Variants in FBN2 observed in about 807,000 individuals in gnomAD.
The protein encoded by FBN2 is fibrillin 2.
FBN2 carries 105 observed loss-of-function variants against 355.6 expected under a neutral mutation model. The ratio of observed to expected loss-of-function variants is 0.30; its 90% CI spans 0.25 to 0.35. The LOEUF (loss-of-function observed/expected upper bound fraction) is 0.35, where lower values mean the gene tolerates loss of function less well. FBN2 is among the 10% of genes least tolerant of loss of function. The probability of loss-of-function intolerance (pLI) is 1.00; values close to 1 mark genes in which losing one functional copy is unlikely to be tolerated. For synonymous variants in FBN2, 1,350 were observed against 1,301.2 expected (o/e 1.04, Z -0.81); for missense variants, 3,280 against 3,758.7 (o/e 0.87, Z 3.33).
intron 23 of FBN2, among the ~76,000 whole-genome samples, chr5:128,347,971 GA>G (rs1294568929): frequency 7.7e-5 from 11 of 142,948 alleles, no homozygotes; most frequent in East Asian, 6.0e-4. Flanking sequence ...TAGAGACGGG[GA>G]GGGGGGGGTT....
At chr5:128,370,617 A>G (rs1357535880) in intron 15 of FBN2, among the ~76,000 whole-genome samples, 1 of 152,040 alleles carries the variant, frequency 6.6e-6, no homozygotes, top group East Asian at 1.9e-4. Flanking sequence ...CAAATATAAC[A>G]TGGTTCATCA....
chr5:128,504,866 A>G (rs895677624), intron 5 of FBN2, among the ~76,000 whole-genome samples: 1 of 152,178 alleles, frequency 6.6e-6, no homozygotes, highest in Non-Finnish European at 1.5e-5. Flanking sequence ...GCAGAATGAT[A>G]TGGTTTGGCT....
chr5:128,473,277 C>A (rs550853856), intron 5 of FBN2, among the ~76,000 whole-genome samples: 1 of 152,168 alleles, frequency 6.6e-6, no homozygotes, highest in Admixed American at 6.5e-5. Flanking sequence ...AGAGTAGAGG[C>A]AAAGAGTTTA....
intron 7 of FBN2, among the ~76,000 whole-genome samples, chr5:128,440,900 G>A (rs540947217): frequency 6.6e-5 from 10 of 152,240 alleles, no homozygotes; most frequent in Non-Finnish European, 1.3e-4. Flanking sequence ...GCCCTCATGG[G>A]CTAACTTCTT....
At chr5:128,444,054 C>CT (rs35768962) in intron 7 of FBN2, among the ~76,000 whole-genome samples, 9,756 of 65,354 alleles carry the variant, frequency 0.15, 3,119 homozygotes, top group African/African-American at 0.28. Context: ...ATCACTTGTT[C>CT]TTTTTTTTTT....
intron 48 of FBN2, among the ~76,000 whole-genome samples, chr5:128,296,939 A>G (rs970760229): frequency 6.6e-6 from 1 of 151,982 alleles, no homozygotes; most frequent in African/African-American, 2.4e-5. Flanking sequence ...TAGGGTGTCA[A>G]TTTTGGAACT....
At chr5:128,298,184 T>C (rs972045417) in intron 48 of FBN2, among the ~76,000 whole-genome samples, 13 of 152,200 alleles carry the variant, frequency 8.5e-5, no homozygotes, top group Non-Finnish European at 1.5e-4. Context: ...TTCTGGCTTG[T>C]AGAGTTTCTG....
At chr5:128,281,884 G>T (rs980037348) in intron 55 of FBN2, among the ~76,000 whole-genome samples, 11 of 151,982 alleles carry the variant, frequency 7.2e-5, no homozygotes, top group Non-Finnish European at 1.0e-4. Flanking sequence ...TAGAGACAGG[G>T]TTTCACCATG....
intron 5 of FBN2, among the ~76,000 whole-genome samples, chr5:128,474,073 C>G (rs548501605): frequency 6.6e-6 from 1 of 152,290 alleles, no homozygotes; most frequent in South Asian, 2.1e-4. Context: ...AACAAAATTG[C>G]TATCTTTGAT....
chr5:128,400,944 A>T (rs1581265325), intron 8 of FBN2, among the ~76,000 whole-genome samples: 1 of 152,036 alleles, frequency 6.6e-6, no homozygotes, highest in South Asian at 2.1e-4. Context: ...TTCTCATGGT[A>T]GTGACTAAGT....
chr5:128,274,737 C>T lies in FBN2; in HGVS notation c.7595-54G>A. 4 of 1,108,236 alleles carry T rather than the reference C, an allele frequency of 3.6e-6. No individual in the cohort carries two copies. In the South Asian group the frequency reaches 4.9e-5, roughly 14 times the overall value. 68.7% of individuals were successfully genotyped at this position (1,108,236 alleles called of 1,614,324 possible). A position where few individuals can be genotyped will look rare whatever the true frequency, so the allele number is the denominator to read the frequency against. Reference sequence around the variant, plus strand: ...CACAGTAGACTATCTGGCTATGTTTCCTTTCTTGTGAAGCCACAGGAGATG... The same window carrying T: ...CACAGTAGACTATCTGGCTATGTTTTCTTTCTTGTGAAGCCACAGGAGATG... On this transcript the variant is annotated intron_variant, in intron 59 of 64. Coordinates refer to ENST00000262464, the MANE Select transcript of FBN2 (RefSeq NM_001999.4).
intron 62 of FBN2, among the ~76,000 whole-genome samples, chr5:128,271,386 A>G (rs924992552): frequency 2.0e-5 from 3 of 152,186 alleles, no homozygotes; most frequent in African/African-American, 7.2e-5. Flanking sequence ...GTAGAGAATA[A>G]TGTTCTCTTT....
chr5:128,343,674 T>C (rs993552468), intron 25 of FBN2, among the ~76,000 whole-genome samples: 1 of 152,206 alleles, frequency 6.6e-6, no homozygotes, highest in East Asian at 1.9e-4. Context: ...TGAAAACTAA[T>C]ATTAAGATTC....
At chr5:128,269,526 G>T (rs1765211814) in intron 62 of FBN2, among the ~76,000 whole-genome samples, 1 of 149,992 alleles carries the variant, frequency 6.7e-6, no homozygotes, top group African/African-American at 2.4e-5. Context: ...AGCAACTTCA[G>T]CGAAGCCTCA....
intron 7 of FBN2, among the ~76,000 whole-genome samples, chr5:128,427,912 G>A (rs1388656965): frequency 2.0e-5 from 3 of 152,186 alleles, no homozygotes; most frequent in East Asian, 3.9e-4. Context: ...AGTTCGGTTC[G>A]GTAAACATTC....
At chr5:128,481,264 T>C (rs1755177628) in intron 5 of FBN2, among the ~76,000 whole-genome samples, 1 of 152,204 alleles carries the variant, frequency 6.6e-6, no homozygotes. Flanking sequence ...CTGTGGTCTG[T>C]AAAAGACCCC....
chr5:128,290,996 C>T, intron 49 of FBN2, 112 bp from the exon 50 acceptor site: 1 of 1,003,744 alleles, frequency 1.0e-6, no homozygotes, highest in East Asian at 2.5e-5. Flanking sequence ...TAAGGCAGGT[C>T]TGGAAATCTT....
chr5:128,386,923 C>T (rs935263910), intron 11 of FBN2, among the ~76,000 whole-genome samples: 1 of 152,004 alleles, frequency 6.6e-6, no homozygotes, highest in Non-Finnish European at 1.5e-5. Context: ...GTATCTCTGC[C>T]AGGTGTTGGT....
At chr5:128,278,600 G>A (rs1163126670) in intron 57 of FBN2, 35 bp downstream of exon 57, 1 of 1,566,012 alleles carries the variant, frequency 6.4e-7, no homozygotes, top group Non-Finnish European at 8.8e-7. Flanking sequence ...AATTTAATGT[G>A]TTGATTATAT....
Sources: gnomAD v4.1 joint callset for allele counts (sites outside exome capture counted in the v4.1 genomes callset) on GRCh38, gnomAD v4.1.1 for gene constraint, MANE v1.5 for transcripts, NCBI Gene and HGNC (gene_info 2026-07-23, HGNC 2026-07-21) for gene names.